HS1BP3: variants seen among roughly 807,000 people sequenced by gnomAD.
HS1BP3 encodes HCLS1 binding protein 3.
A neutral mutation model predicts 33.5 loss-of-function variants in HS1BP3; 32 were observed. The observed-to-expected ratio is 0.95, with a 90% CI of 0.72 to 1.28. The LOEUF is 1.28. Ranked by LOEUF, HS1BP3 falls within the 50% of genes most tolerant of loss-of-function variation. The probability of loss-of-function intolerance (pLI) is 0.00; values close to 1 mark genes in which losing one functional copy is unlikely to be tolerated. For synonymous variants in HS1BP3, 187 were observed against 209.2 expected (o/e 0.89, Z 0.92); for missense variants, 486 against 502.3 (o/e 0.97, Z 0.31).
intron 6 of HS1BP3, chr2:20,622,411 C>G: frequency 4.1e-6 from 4 of 966,634 alleles, no homozygotes; most frequent in Non-Finnish European, 5.8e-6. Context: ...ACTTTTTGAG[C>G]AGGGACTCCC....
chr2:20,628,842 C>G (rs934602), intron 4 of HS1BP3, among the ~76,000 whole-genome samples: 61,596 of 151,856 alleles, frequency 0.41, 13,119 homozygotes, highest in East Asian at 0.73. Context: ...GGGTCTGCAG[C>G]GGGCGTGACT....
chr2:20,554,706 C>CA, the HS1BP3 span, among the ~76,000 whole-genome samples: 43,794 of 104,322 alleles, frequency 0.42, 8,168 homozygotes, highest in African/African-American at 0.57. Context: ...CTCCACCTCA[C>CA]AAAAAAAAAA....
chr2:20,619,112 G>T lies in HS1BP3; in HGVS notation c.1054C>A (p.Pro352Thr), dbSNP rs1449801623. The T allele has an allele frequency of 6.2e-7, 1 of 1,614,080 alleles. No individual in the cohort carries two copies. The highest frequency in any genetic ancestry group is 8.5e-7 in the Non-Finnish European group (1 of 1,180,028). The change falls in exon 7 of 7, where the codon CCG (proline) becomes ACG (threonine). Residue 352 changes from proline (P) to threonine (T), a missense_variant. Coordinates refer to ENST00000304031, the MANE Select transcript of HS1BP3 (RefSeq NM_022460.4). ...RKPAVPPKAG[P>T]AEAVAGQQKP... Reference sequence around the variant, plus strand: ...TGCTGCCCAGCCACAGCTTCAGCCGGGCCCGCTTTGGGGGGAACAGCTGGT... The same window carrying T: ...TGCTGCCCAGCCACAGCTTCAGCCGTGCCCGCTTTGGGGGGAACAGCTGGT...
At chr2:20,631,111 A>G (rs6737130) in intron 4 of HS1BP3, among the ~76,000 whole-genome samples, 6 of 151,978 alleles carry the variant, frequency 3.9e-5, no homozygotes, top group Admixed American at 3.9e-4. Flanking sequence ...TCCTGGATGC[A>G]AGTCAGCGCA....
At chr2:20,607,586 C>T (rs1694224442) in intron 2 of HS1BP3, among the ~76,000 whole-genome samples, 1 of 152,246 alleles carries the variant, frequency 6.6e-6, no homozygotes. Context: ...TATCTGGACT[C>T]TTAATTCCAT....
intron 4 of HS1BP3, among the ~76,000 whole-genome samples, chr2:20,629,047 A>T (rs1443073974): frequency 1.3e-5 from 2 of 152,168 alleles, no homozygotes; most frequent in African/African-American, 4.8e-5. Flanking sequence ...GCTAGGGGGA[A>T]CTTCAGAAGG....
intron 5 of HS1BP3, among the ~76,000 whole-genome samples, chr2:20,564,248 C>T (rs1254764780): frequency 1.3e-5 from 2 of 152,170 alleles, no homozygotes; most frequent in East Asian, 3.9e-4. Context: ...CCCATCATGA[C>T]GGGGAGCTCA....
intron 5 of HS1BP3, among the ~76,000 whole-genome samples, chr2:20,565,736 C>T (rs1488225201): frequency 6.6e-6 from 1 of 152,218 alleles, no homozygotes; most frequent in East Asian, 1.9e-4. Context: ...GCAGGGCTCT[C>T]CAGGGCCAAG....
At chr2:20,564,856 C>T (rs1185583195) in intron 5 of HS1BP3, among the ~76,000 whole-genome samples, 2 of 152,172 alleles carry the variant, frequency 1.3e-5, no homozygotes, top group African/African-American at 4.8e-5. Context: ...GGAGGTACTG[C>T]CACACTGTAT....
intron 5 of HS1BP3, among the ~76,000 whole-genome samples, chr2:20,566,900 G>C (rs191326667): frequency 1.8e-4 from 27 of 152,114 alleles, no homozygotes; most frequent in African/African-American, 6.3e-4. Context: ...AGCCACCAAG[G>C]CTGGCCCCCC....
chr2:20,563,761 G>T (rs1693058467), intron 5 of HS1BP3, among the ~76,000 whole-genome samples: 1 of 152,150 alleles, frequency 6.6e-6, no homozygotes, highest in Non-Finnish European at 1.5e-5. Context: ...AGAATCCAGA[G>T]GGCTCTCATT....
chr2:20,616,885 T>C (rs911143494), downstream of HS1BP3, among the ~76,000 whole-genome samples: 2 of 152,108 alleles, frequency 1.3e-5, no homozygotes. Context: ...TGATTGGCCA[T>C]GAGTCGCAGT....
intron 3 of HS1BP3, 75 bp from the exon 4 acceptor site, chr2:20,638,727 C>T: frequency 8.6e-7 from 1 of 1,161,630 alleles, no homozygotes; most frequent in South Asian, 1.4e-5. Context: ...CACACTGCAC[C>T]CTCCCATGCC....
downstream of HS1BP3, among the ~76,000 whole-genome samples, chr2:20,589,340 C>A (rs192359733): frequency 5.6e-4 from 85 of 152,272 alleles, no homozygotes; most frequent in Admixed American, 3.3e-4. Context: ...CTGACATGGG[C>A]GAGACCTCCA....
intron 5 of HS1BP3, among the ~76,000 whole-genome samples, chr2:20,573,261 C>T (rs73235154): frequency 0.013 from 1,909 of 152,178 alleles, 47 homozygotes; most frequent in African/African-American, 0.044. Flanking sequence ...GCATTCTCCC[C>T]GAGAGCCTTC....
rs552743460 is a variant in HS1BP3, at chr2:20,604,176, G to T, written c.179-5911C>A. Among the ~76,000 whole-genome samples the T allele has an allele frequency of 6.8e-4, 104 of 152,352 alleles. 1 individual carries two copies. The highest frequency in any genetic ancestry group is 2.4e-3 in the African/African-American group (99 of 41,584). On this transcript the variant is annotated intron_variant, in intron 2 of 3. Transcript: ENST00000415264. ...GAGAAACTCAGGGGAGGTTCTGGAA[G>T]GCAGGAGCTGCAGTGTAGCTGAGGA...
At chr2:20,608,772 C>G (rs1694254975) in intron 2 of HS1BP3, among the ~76,000 whole-genome samples, 1 of 152,148 alleles carries the variant, frequency 6.6e-6, no homozygotes, top group Non-Finnish European at 1.5e-5. Context: ...GCCTTTGCCA[C>G]ACTCACATCC....
rs546224083 is a variant in HS1BP3, at chr2:20,624,161, G to A, written c.785-130C>T. 124 of 1,125,370 alleles carry A rather than the reference G, an allele frequency of 1.1e-4. 1 individual carries two copies. In the South Asian group the frequency reaches 1.9e-3, roughly 17 times the overall value. The allele number at this position is 1,125,370 out of a possible 1,614,324, so 69.7% of individuals were successfully genotyped here. ...AGGAATTGATGCCTCTGCTCAACCT[G>A]TCATAACTGGTGCTGCTTTGTAACT... On this transcript the variant is annotated intron_variant, in intron 5 of 6. Coordinates refer to ENST00000304031, the MANE Select transcript of HS1BP3 (RefSeq NM_022460.4).
At chr2:20,593,107 A>G (rs1572315926) in intron 3 of HS1BP3, among the ~76,000 whole-genome samples, 1 of 130,388 alleles carries the variant, frequency 7.7e-6, no homozygotes, top group African/African-American at 2.9e-5. Flanking sequence ...CCCCCAGCAC[A>G]CCATGTTCCT....
Sources: allele counts gnomAD v4.1 joint callset (sites outside exome capture counted in the v4.1 genomes callset), GRCh38; gene constraint gnomAD v4.1.1; transcripts MANE v1.5; gene names NCBI Gene and HGNC (gene_info 2026-07-23, HGNC 2026-07-21).